Variants in SH3GL2 observed in about 807,000 individuals in gnomAD.
SH3GL2 encodes endophilin-A1.
Under a neutral mutation model 46.0 loss-of-function variants are expected in SH3GL2, and 24 were observed. The observed-to-expected ratio is 0.52, with a 90% CI of 0.38 to 0.73. SH3GL2 has a LOEUF of 0.73. Among genes scored for constraint, SH3GL2 ranks in the 30% least tolerant of loss-of-function variants. The pLI, the probability that SH3GL2 is intolerant of heterozygous loss-of-function variation, is 0.00. For synonymous variants in SH3GL2, 196 were observed against 147.1 expected (o/e 1.33, Z -2.40); for missense variants, 413 against 424.2 (o/e 0.97, Z 0.23).
chr9:17,706,619 A>C (rs1409789646), intron 1 of SH3GL2, among the ~76,000 whole-genome samples: 1 of 152,042 alleles, frequency 6.6e-6, no homozygotes, highest in African/African-American at 2.4e-5. Flanking sequence ...TATGACATAT[A>C]CTGTTCATGT....
At chr9:17,699,069 C>T (rs1252776767) in intron 1 of SH3GL2, among the ~76,000 whole-genome samples, 3 of 146,884 alleles carry the variant, frequency 2.0e-5, no homozygotes, top group African/African-American at 7.6e-5. Flanking sequence ...GCAGGGGAAT[C>T]GCTTGAACCT....
At chr9:17,649,823 T>C (rs560546973) in intron 1 of SH3GL2, among the ~76,000 whole-genome samples, 1 of 152,332 alleles carries the variant, frequency 6.6e-6, no homozygotes, top group African/African-American at 2.4e-5. Context: ...CAGATAAACG[T>C]GTCAAACCAA....
At chr9:17,751,790 C>T (rs1822855420) in intron 2 of SH3GL2, among the ~76,000 whole-genome samples, 1 of 152,126 alleles carries the variant, frequency 6.6e-6, no homozygotes, top group Admixed American at 6.5e-5. Context: ...CTGAGTGCAC[C>T]CATAATGTCT....
At chr9:17,579,747 C>G (rs1455143585) in intron 1 of SH3GL2, among the ~76,000 whole-genome samples, 1 of 152,144 alleles carries the variant, frequency 6.6e-6, no homozygotes, top group Non-Finnish European at 1.5e-5. Context: ...GGGGCGGAGG[C>G]CGGCGGTTTG....
At position 17,789,479 on chromosome 9, in the gene SH3GL2, C is replaced by G. The variant is rs1824059621; in HGVS notation, c.553C>G (p.Gln185Glu). ...QGKIPDEELRQALEKFDESKE... is the reference protein window; with the variant it reads ...QGKIPDEELREALEKFDESKE... ...CAAGATTCCGGATGAAGAGCTTCGT[C>G]AAGCTCTAGAGAAATTTGATGAGTC... The change falls in exon 6 of 9, where the codon CAA becomes GAA. Residue 185 changes from glutamine to glutamate, a missense_variant. Around this residue, in one of 3 missense-constraint regions of SH3GL2, gnomAD observed 248 missense variants for 215.0 expected, o/e 1.15. Coordinates refer to ENST00000380607, the MANE Select transcript of SH3GL2 (RefSeq NM_003026.5). The G allele has an allele frequency of 6.2e-7, 1 of 1,612,362 alleles. No homozygotes were observed. Among genetic ancestry groups the G allele is most frequent in the Non-Finnish European group, 8.5e-7 (1 of 1,178,580 alleles).
chr9:17,616,270 G>T (rs1349566007), intron 1 of SH3GL2, among the ~76,000 whole-genome samples: 1 of 152,230 alleles, frequency 6.6e-6, no homozygotes, highest in Non-Finnish European at 1.5e-5. Flanking sequence ...AAAGAAGCAT[G>T]ATGACTTTTG....
rs776326202 is a variant in SH3GL2, at chr9:17,793,480, G to C, written c.842G>C (p.Gly281Ala). 7 of 1,612,942 alleles carry C rather than the reference G, an allele frequency of 4.3e-6. No individual in the cohort carries two copies. Among genetic ancestry groups the C allele is most frequent in the Non-Finnish European group, 5.9e-6 (7 of 1,179,594 alleles). The change falls in exon 8 of 9, where the codon GGC (glycine) becomes GCC (alanine). Residue 281 changes from glycine (G) to alanine (A), a missense_variant. Coordinates refer to ENST00000380607, the MANE Select transcript of SH3GL2 (RefSeq NM_003026.5). ...CCCAATGGGGGTCTCTCCCACACAG[G>C]CACTCCCAAACCTTCAGGTAAGAGC... ...TQPNGGLSHT[G>A]TPKPSGVQMD...
chr9:17,615,484 G>GT (rs1473442013), intron 1 of SH3GL2, among the ~76,000 whole-genome samples: 1 of 151,626 alleles, frequency 6.6e-6, no homozygotes, highest in African/African-American at 2.4e-5. Context: ...GTGAAACCCC[G>GT]TCTCTACTAA....
chr9:17,706,962 T>C (rs1383681159), intron 1 of SH3GL2, among the ~76,000 whole-genome samples: 3 of 151,948 alleles, frequency 2.0e-5, no homozygotes, highest in Admixed American at 2.0e-4. Flanking sequence ...CATTTCAGAG[T>C]AAAAGGGATT....
rs536398805 is a variant in SH3GL2 at position 17,770,307 on chromosome 9, C to A, written c.187+8798C>A. Among the ~76,000 whole-genome samples, 4 of 152,270 alleles carry A rather than the reference C, an allele frequency of 2.6e-5. No homozygotes were observed. The South Asian group carries it at 6.2e-4, about 24-fold the overall frequency. ...AAAACTGAAGCTGCAAGGTGATTAG[C>A]AATTTGCCCGAACTATACAACAGAA... On this transcript the variant is annotated intron_variant, in intron 3 of 8. Coordinates refer to ENST00000380607, the MANE Select transcript of SH3GL2 (RefSeq NM_003026.5).
At chr9:17,736,744 T>A (rs1822347697) in intron 1 of SH3GL2, among the ~76,000 whole-genome samples, 1 of 152,114 alleles carries the variant, frequency 6.6e-6, no homozygotes, top group African/African-American at 2.4e-5. Context: ...GAAGCTGAAG[T>A]GCCTACCTTG....
At chr9:17,671,936 G>A (rs1235746877) in intron 1 of SH3GL2, among the ~76,000 whole-genome samples, 1 of 152,154 alleles carries the variant, frequency 6.6e-6, no homozygotes, top group Non-Finnish European at 1.5e-5. Context: ...CCTCAACAAA[G>A]ATTGTACTCA....
intron 1 of SH3GL2, among the ~76,000 whole-genome samples, chr9:17,579,548 C>G (rs895544665): frequency 6.6e-6 from 1 of 152,136 alleles, no homozygotes; most frequent in African/African-American, 2.4e-5. Flanking sequence ...TGCTCGCCGC[C>G]CCCGCATCAT....
At chr9:17,583,078 G>A (rs1178276614) in intron 1 of SH3GL2, among the ~76,000 whole-genome samples, 1 of 152,136 alleles carries the variant, frequency 6.6e-6, no homozygotes. Flanking sequence ...ACTTTAATAT[G>A]AATTTTGGGA....
At chr9:17,778,696 T>G (rs1440537749) in intron 3 of SH3GL2, among the ~76,000 whole-genome samples, 2 of 152,154 alleles carry the variant, frequency 1.3e-5, no homozygotes, top group African/African-American at 2.4e-5. Context: ...GAGCTTATTT[T>G]AATAATCCAG....
chr9:17,633,653 A>G (rs1348433774), intron 1 of SH3GL2, among the ~76,000 whole-genome samples: 1 of 152,188 alleles, frequency 6.6e-6, no homozygotes, highest in Non-Finnish European at 1.5e-5. Context: ...GTAGGATTCT[A>G]GGTCTGTGAA....
chr9:17,789,311 T>C, intron 5 of SH3GL2, 81 bp from the exon 6 acceptor site: 1 of 1,123,014 alleles, frequency 8.9e-7, no homozygotes, highest in East Asian at 2.4e-5. Context: ...TGGAAGTTAA[T>C]GGACGTGATG....
chr9:17,717,905 T>C (rs1236524266), intron 1 of SH3GL2, among the ~76,000 whole-genome samples: 1 of 152,156 alleles, frequency 6.6e-6, no homozygotes, highest in Non-Finnish European at 1.5e-5. Context: ...GTTAAGGTTC[T>C]GTGTGAATCC....
chr9:17,603,136 T>C (rs1413549178), intron 1 of SH3GL2, among the ~76,000 whole-genome samples: 5 of 152,190 alleles, frequency 3.3e-5, no homozygotes, highest in African/African-American at 1.2e-4. Flanking sequence ...AAGAGTTTTA[T>C]TTATGAGAAA....
Sources: allele counts gnomAD v4.1 joint callset (sites outside exome capture counted in the v4.1 genomes callset), GRCh38; gene constraint gnomAD v4.1.1; regional missense constraint gnomAD v4.1.1; transcripts MANE v1.5; gene names NCBI Gene and HGNC (gene_info 2026-07-23, HGNC 2026-07-21).